UBE3A: variants seen among roughly 807,000 people sequenced by gnomAD.
UBE3A encodes the protein ubiquitin-protein ligase E3A.
UBE3A carries 6 observed loss-of-function variants against 83.4 expected under a neutral mutation model. The ratio of observed to expected loss-of-function variants is 0.07; its 90% CI spans 0.04 to 0.14. The LOEUF (loss-of-function observed/expected upper bound fraction) is 0.14, where lower values mean the gene tolerates loss of function less well. Ranked by LOEUF, UBE3A falls within the 10% of genes least tolerant of loss-of-function variation. UBE3A has a pLI of 1.00. For missense variants in UBE3A, 456 were observed against 1,036.1 expected (o/e 0.44, Z 7.69); for synonymous variants, 337 against 355.4 (o/e 0.95, Z 0.58).
At chr15:25,347,252 C>T (rs1039612422) in intron 11 of UBE3A, 3 of 152,108 alleles carry the variant, frequency 2.0e-5, no homozygotes, top group African/African-American at 7.2e-5. Context: ...TAGCATTAAT[C>T]CTCAAAACAA....
Position 25,421,032 on chromosome 15 carries a change from G to C in UBE3A, c.-164-9061C>G, listed in dbSNP as rs367908655. Among the ~76,000 whole-genome samples, 149 of 152,288 alleles carry C rather than the reference G, an allele frequency of 9.8e-4. 1 individual carries two copies. In the South Asian group the frequency reaches 0.019, roughly 19 times the overall value. On this transcript the variant is annotated intron_variant, in intron 1 of 12. Coordinates refer to ENST00000648336, the MANE Select transcript of UBE3A (RefSeq NM_130839.5). The stretch of plus-strand genomic sequence containing the variant: ...ATGAATGAACTTTGATGACTGATAC[G>C]GTTTGAATATTTGTCCTGCCCAAAT...
At chr15:25,353,296 G>A (rs572166632) in intron 11 of UBE3A, among the ~76,000 whole-genome samples, 22 of 152,122 alleles carry the variant, frequency 1.4e-4, no homozygotes, top group Non-Finnish European at 2.8e-4. Flanking sequence ...ATACCACGAC[G>A]AACAACCTTA....
intron 2 of UBE3A, among the ~76,000 whole-genome samples, chr15:25,411,246 T>C (rs760636730): frequency 1.4e-4 from 22 of 152,226 alleles, no homozygotes; most frequent in South Asian, 4.1e-4. Context: ...AGAGCTGTCA[T>C]GGATAAACAA....
Position 25,375,370 on chromosome 15 carries a change from AT to A in UBE3A, c.361+94del. The stretch of plus-strand genomic sequence containing the variant: ...GGTTCTACGATATCAAAATGTCTTT[AT>A]GTCACAGAAGAAAAAACAAATAAAA... On this transcript the variant is annotated intron_variant, in intron 5 of 12. Coordinates refer to ENST00000648336, the MANE Select transcript of UBE3A (RefSeq NM_130839.5). 5 of 1,428,416 alleles carry A rather than the reference AT, an allele frequency of 3.5e-6. No homozygotes were observed. In the South Asian group the frequency reaches 5.2e-5, roughly 15 times the overall value. 88.5% of individuals were successfully genotyped at this position (1,428,416 alleles called of 1,614,324 possible). A position where few individuals can be genotyped will look rare whatever the true frequency, so the allele number is the denominator to read the frequency against.
intron 6 of UBE3A, among the ~76,000 whole-genome samples, chr15:25,363,563 CAAGTCACAGT>C (rs969875323): frequency 2.0e-5 from 3 of 152,158 alleles, no homozygotes; most frequent in East Asian, 1.9e-4. Flanking sequence ...GAAATAACTT[CAAGTCACAGT>C]AAGTCACAGT....
At chr15:25,390,647 G>A (rs2084126306) in intron 4 of UBE3A, among the ~76,000 whole-genome samples, 1 of 152,124 alleles carries the variant, frequency 6.6e-6, no homozygotes, top group Admixed American at 6.5e-5. Flanking sequence ...AGATAAATAG[G>A]CAGAACACAG....
At chr15:25,385,224 G>A (rs1345209352) in intron 4 of UBE3A, among the ~76,000 whole-genome samples, 1 of 152,122 alleles carries the variant, frequency 6.6e-6, no homozygotes, top group Non-Finnish European at 1.5e-5. Flanking sequence ...TTAATATCCA[G>A]AATATATAAA....
In UBE3A at chr15:25,375,502, T is replaced by C. The variant is rs866274665; in HGVS notation, c.324A>G (p.Ile108Met). 1 of 1,614,194 alleles carries C rather than the reference T, an allele frequency of 6.2e-7. No homozygotes were observed. Among genetic ancestry groups the C allele is most frequent in the Middle Eastern group, 1.7e-4 (1 of 6,054 alleles). ...KGAPNNSCSE[I>M]KMNKKGARID... ...TTCTAGCGCCTTTCTTGTTCATTTT[T>C]ATCTCAGAGCAGGAGTTGTTGGGGG... Residue 108 changes from isoleucine (I) to methionine (M), a missense_variant, in exon 5 of 13, where the codon ATA becomes ATG. Ile to Met is a conservative substitution (Grantham distance 10). Coordinates refer to ENST00000648336, the MANE Select transcript of UBE3A (RefSeq NM_130839.5).
chr15:25,429,055 CAT>C (rs1387736184), intron 1 of UBE3A, among the ~76,000 whole-genome samples: 1 of 152,132 alleles, frequency 6.6e-6, no homozygotes, highest in African/African-American at 2.4e-5. Context: ...CACGCATCAA[CAT>C]ATACACCTCA....
intron 1 of UBE3A, among the ~76,000 whole-genome samples, chr15:25,431,743 T>A (rs1893512865): frequency 6.6e-6 from 1 of 152,194 alleles, no homozygotes. Context: ...TGAAACAGGA[T>A]TTATCCATTA....
chr15:25,370,563 T>C lies in UBE3A; in HGVS notation c.1608+3A>G. On this transcript the variant is annotated splice_donor_region_variant and intron_variant, in intron 6 of 12. Transcript: ENST00000648336. The surrounding 1 kb of genome is among the most constrained non-coding windows in gnomAD (Gnocchi z 4.2). Reference sequence around the variant, plus strand: ...AGGTTTTTAATCTAGCAGCCCAACTTACCCGGACAAGTGCATCATCTATGA... The same window carrying C: ...AGGTTTTTAATCTAGCAGCCCAACTCACCCGGACAAGTGCATCATCTATGA... 6.2e-7 allele frequency: 1 copy of C among 1,614,108 alleles called. No homozygotes were observed. The highest frequency in any genetic ancestry group is 2.2e-5 in the East Asian group (1 of 44,856).
chr15:25,389,004 G>A (rs927631680), intron 4 of UBE3A, among the ~76,000 whole-genome samples: 3 of 152,136 alleles, frequency 2.0e-5, no homozygotes, highest in Non-Finnish European at 1.5e-5. Flanking sequence ...TGACCCGTGA[G>A]AGACAACTCA....
chr15:25,335,899 A>G lies in UBE3A; in HGVS notation c.*3238T>C, dbSNP rs985298828. Reference sequence around the variant, plus strand: ...AAAAACAAGTAGCCAGAGAAGCAACAGCCCAAGCTAGGGTGTTGTCAAGGT... The same window carrying G: ...AAAAACAAGTAGCCAGAGAAGCAACGGCCCAAGCTAGGGTGTTGTCAAGGT... On this transcript the variant is annotated 3_prime_UTR_variant, in exon 13 of 13. Transcript: ENST00000648336. The G allele has an allele frequency of 2.0e-5, 3 of 152,250 alleles. No homozygotes were observed. Among genetic ancestry groups the G allele is most frequent in the African/African-American group, 7.2e-5 (3 of 41,448 alleles). 9.4% of individuals were successfully genotyped at this position (152,250 alleles called of 1,614,324 possible).
In UBE3A at chr15:25,371,499, G is replaced by T. The variant is rs1595812490; in HGVS notation, c.675C>A (p.Gly225=). 1.2e-6 allele frequency: 2 copies of T among 1,614,054 alleles called. No homozygotes were observed. The highest frequency in any genetic ancestry group is 1.7e-6 in the Non-Finnish European group (2 of 1,180,020). ...CAATATCCACAGACACATCATCAGG[G>T]CCTAATTTTTGCAAATTGTTGTCTC... is the stretch of plus-strand genomic sequence containing the variant. The part of the protein sequence containing the change: ...SQGDNNLQKL[G]PDDVSVDIDA... The change falls in exon 6 of 13, where the codon GGC becomes GGA. Residue 225 remains glycine (G), a synonymous_variant. Coordinates refer to ENST00000648336, the MANE Select transcript of UBE3A (RefSeq NM_130839.5). This position sits in a 1 kb window ranked among gnomAD's most constrained non-coding sequence, Gnocchi z 5.3.
At chr15:25,393,441 G>C (rs2084865775) in intron 4 of UBE3A, among the ~76,000 whole-genome samples, 2 of 152,114 alleles carry the variant, frequency 1.3e-5, no homozygotes, top group Admixed American at 1.3e-4. Flanking sequence ...GAATCAAAAA[G>C]TTCTGCTAAT....
intron 4 of UBE3A, among the ~76,000 whole-genome samples, chr15:25,376,010 T>A (rs1189953964): frequency 6.6e-6 from 1 of 151,966 alleles, no homozygotes; most frequent in Admixed American, 6.6e-5. Flanking sequence ...AGAGTATACA[T>A]TCCTTTGGTT....
At chr15:25,378,142 A>T (rs2081533591) in intron 4 of UBE3A, among the ~76,000 whole-genome samples, 1 of 152,202 alleles carries the variant, frequency 6.6e-6, no homozygotes, top group Non-Finnish European at 1.5e-5. Context: ...ATTGTCTCTG[A>T]TTTTTAAAAA....
intron 4 of UBE3A, among the ~76,000 whole-genome samples, chr15:25,389,628 C>T (rs745758257): frequency 6.6e-6 from 1 of 152,188 alleles, no homozygotes; most frequent in African/African-American, 2.4e-5. Flanking sequence ...GGTGTGGTGG[C>T]TCACATCCCA....
At chr15:25,360,298 G>C (rs937042390) in intron 7 of UBE3A, 85 bp downstream of exon 7, 2 of 1,574,804 alleles carry the variant, frequency 1.3e-6, no homozygotes, top group South Asian at 1.1e-5. Flanking sequence ...GCTCTTCATA[G>C]CTGAAAATAT....
Sources: allele counts gnomAD v4.1 joint callset (sites outside exome capture counted in the v4.1 genomes callset), GRCh38; gene constraint gnomAD v4.1.1; non-coding constraint Gnocchi (gnomAD v3.1); transcripts MANE v1.5; gene names NCBI Gene and HGNC (gene_info 2026-07-23, HGNC 2026-07-21).